DCC: variants seen among roughly 807,000 people sequenced by gnomAD.
DCC encodes the protein DCC netrin 1 receptor, also known as netrin receptor DCC.
In DCC, 58 loss-of-function variants were observed where a neutral mutation model predicts 172.5. The observed-to-expected ratio is 0.34, with a 90% CI of 0.27 to 0.42. DCC has a LOEUF of 0.42. Ranked by LOEUF, DCC falls within the 10% of genes least tolerant of loss-of-function variation. The pLI is 1.00. For missense variants in DCC, 1,740 were observed against 1,791.0 expected (o/e 0.97, Z 0.51); for synonymous variants, 709 against 644.5 (o/e 1.10, Z -1.52).
At chr18:52,949,502 A>G (rs2145543975) in intron 5 of DCC, among the ~76,000 whole-genome samples, 1 of 152,286 alleles carries the variant, frequency 6.6e-6, no homozygotes, top group East Asian at 1.9e-4. Flanking sequence ...TTGTACTTCC[A>G]TTATTTGTTC....
At chr18:52,387,138 A>C (rs2144338307) in intron 1 of DCC, among the ~76,000 whole-genome samples, 1 of 152,278 alleles carries the variant, frequency 6.6e-6, no homozygotes, top group East Asian at 1.9e-4. Context: ...CATAGAAGAA[A>C]GATTCTTAAA....
At chr18:53,402,128 A>C (rs1466066289) in intron 18 of DCC, among the ~76,000 whole-genome samples, 1 of 152,206 alleles carries the variant, frequency 6.6e-6, no homozygotes, top group East Asian at 1.9e-4. Context: ...GTATAGACTT[A>C]GGTGACATTT....
chr18:52,399,418 T>C (rs766681540), intron 1 of DCC, among the ~76,000 whole-genome samples: 1 of 151,938 alleles, frequency 6.6e-6, no homozygotes, highest in Non-Finnish European at 1.5e-5. Flanking sequence ...TAAACACATA[T>C]CTATAATTTT....
intron 12 of DCC, among the ~76,000 whole-genome samples, chr18:53,286,235 C>A (rs1158604063): frequency 6.6e-6 from 1 of 152,076 alleles, no homozygotes; most frequent in African/African-American, 2.4e-5. Flanking sequence ...CCACCCAAAT[C>A]TCATCTTGAA....
At chr18:53,343,947 C>A (rs1199172708) in intron 15 of DCC, among the ~76,000 whole-genome samples, 3 of 151,892 alleles carry the variant, frequency 2.0e-5, no homozygotes, top group East Asian at 1.9e-4. Context: ...ATAATGTTTT[C>A]TTTATCTGTT....
At chr18:52,359,807 G>A (rs1056760361) in intron 1 of DCC, among the ~76,000 whole-genome samples, 1 of 152,178 alleles carries the variant, frequency 6.6e-6, no homozygotes, top group East Asian at 1.9e-4. Flanking sequence ...TCAAACTGCT[G>A]TATGTTCCCA....
At chr18:53,152,511 G>T (rs926500817) in intron 7 of DCC, among the ~76,000 whole-genome samples, 1 of 151,864 alleles carries the variant, frequency 6.6e-6, no homozygotes, top group Non-Finnish European at 1.5e-5. Flanking sequence ...TTGGCTTTTC[G>T]TTATCTATAA....
chr18:53,026,796 C>G (rs1033482594), intron 5 of DCC, among the ~76,000 whole-genome samples: 2 of 152,028 alleles, frequency 1.3e-5, no homozygotes, highest in African/African-American at 4.8e-5. Flanking sequence ...CTCCTGGCCT[C>G]AAGAGATCCT....
Position 52,695,492 on chromosome 18 carries a change from A to G in DCC, c.92-56562A>G, listed in dbSNP as rs540550792. Among the ~76,000 whole-genome samples, 20 of 152,344 alleles carry G rather than the reference A, an allele frequency of 1.3e-4. No homozygotes were observed. In the South Asian group the frequency reaches 4.1e-3, roughly 32 times the overall value. ...AACAGGATAGATTTACTTTTTCCTA[A>G]TATGAGAACTTAAAGGAATTTTGGA... On this transcript the variant is annotated intron_variant, in intron 1 of 28. Coordinates refer to ENST00000442544, the MANE Select transcript of DCC (RefSeq NM_005215.4).
intron 2 of DCC, among the ~76,000 whole-genome samples, chr18:52,790,358 C>A (rs55731782): frequency 1.3e-5 from 2 of 152,106 alleles, no homozygotes; most frequent in African/African-American, 4.8e-5. Flanking sequence ...TCACAAATCC[C>A]TTTTCATTAA....
intron 1 of DCC, among the ~76,000 whole-genome samples, chr18:52,414,034 C>T (rs915987993): frequency 6.6e-6 from 1 of 152,082 alleles, no homozygotes; most frequent in African/African-American, 2.4e-5. Context: ...TTCACAGTAT[C>T]TTTGATTTTA....
At chr18:52,734,138 A>G (rs1377359112) in intron 1 of DCC, among the ~76,000 whole-genome samples, 1 of 152,118 alleles carries the variant, frequency 6.6e-6, no homozygotes, top group Non-Finnish European at 1.5e-5. Context: ...TTAAAAATAT[A>G]TATTATTTTT....
intron 7 of DCC, among the ~76,000 whole-genome samples, chr18:53,091,174 A>G (rs543573388): frequency 2.0e-5 from 3 of 152,078 alleles, no homozygotes; most frequent in South Asian, 2.1e-4. Context: ...TAGACTTCCA[A>G]TAAATTTGAT....
rs1287255048 is a variant in DCC at position 53,532,533 on chromosome 18, A to G, written c.*1880A>G. On this transcript the variant is annotated 3_prime_UTR_variant, in exon 29 of 29. Transcript: ENST00000442544. ...TTATTTAACATCTGGGCACTTAGGT[A>G]GACAACCTTCTACTGACCTGGAATA... 2 of 152,224 alleles carry G rather than the reference A, an allele frequency of 1.3e-5. No individual in the cohort carries two copies. The highest frequency in any genetic ancestry group is 1.5e-5 in the Non-Finnish European group (1 of 68,044). 9.4% of individuals were successfully genotyped at this position (152,224 alleles called of 1,614,324 possible). A position where few individuals can be genotyped will look rare whatever the true frequency, so the allele number is the denominator to read the frequency against.
At chr18:53,502,446 C>G (rs998837401) in intron 27 of DCC, among the ~76,000 whole-genome samples, 6 of 152,068 alleles carry the variant, frequency 3.9e-5, no homozygotes, top group Non-Finnish European at 8.8e-5. Context: ...TTTACTTATT[C>G]TGATAGAAAA....
intron 5 of DCC, among the ~76,000 whole-genome samples, chr18:52,926,837 A>G (rs1185456781): frequency 2.1e-5 from 1 of 46,908 alleles, no homozygotes; most frequent in Non-Finnish European, 4.1e-5. Flanking sequence ...ATATACATAC[A>G]CACACACACA....
intron 1 of DCC, chr18:52,419,727 A>T (rs1385038687): frequency 6.6e-6 from 1 of 152,144 alleles, no homozygotes; most frequent in Non-Finnish European, 1.5e-5. Context: ...TTTAATGTGG[A>T]ACCTGAAATT....
intron 1 of DCC, among the ~76,000 whole-genome samples, chr18:52,500,211 A>G (rs187131710): frequency 1.3e-5 from 2 of 152,008 alleles, no homozygotes; most frequent in Non-Finnish European, 2.9e-5. Context: ...GTTGCACCCT[A>G]TATTTCCTGG....
At chr18:52,635,421 G>C (rs912403298) in intron 1 of DCC, among the ~76,000 whole-genome samples, 5 of 152,176 alleles carry the variant, frequency 3.3e-5, no homozygotes, top group African/African-American at 1.2e-4. Flanking sequence ...CATCATATTT[G>C]AATAGTCAGG....
Sources: gnomAD v4.1 joint callset for allele counts (sites outside exome capture counted in the v4.1 genomes callset) on GRCh38, gnomAD v4.1.1 for gene constraint, MANE v1.5 for transcripts, NCBI Gene and HGNC (gene_info 2026-07-23, HGNC 2026-07-21) for gene names.